FAM81A: variants seen among roughly 807,000 people sequenced by gnomAD.
The protein encoded by FAM81A is protein FAM81A.
FAM81A carries 19 observed loss-of-function variants against 46.7 expected under a neutral mutation model. The ratio of observed to expected loss-of-function variants is 0.41; its 90% CI spans 0.28 to 0.60. The LOEUF (loss-of-function observed/expected upper bound fraction) is 0.60. Ranked by LOEUF, FAM81A falls within the 20% of genes least tolerant of loss-of-function variation. FAM81A has a pLI of 0.34. For synonymous variants in FAM81A, 183 were observed against 152.9 expected (o/e 1.20, Z -1.45); for missense variants, 377 against 453.5 (o/e 0.83, Z 1.53).
At chr15:59,416,091 C>G (rs1288154800) in intron 2 of FAM81A, among the ~76,000 whole-genome samples, 2 of 152,148 alleles carry the variant, frequency 1.3e-5, no homozygotes, top group Non-Finnish European at 2.9e-5. Flanking sequence ...TAATGAATCC[C>G]CATATCTCCT....
chr15:59,412,454 A>G (rs555105365), intron 2 of FAM81A, among the ~76,000 whole-genome samples: 4 of 152,270 alleles, frequency 2.6e-5, no homozygotes, highest in Non-Finnish European at 5.9e-5. Context: ...AGCCGGGCAC[A>G]GTGGCTCATG....
At chr15:59,518,517 G>C (rs2082291193) in intron 8 of FAM81A, among the ~76,000 whole-genome samples, 1 of 151,896 alleles carries the variant, frequency 6.6e-6, no homozygotes, top group African/African-American at 2.4e-5. Context: ...TTAGAGATGG[G>C]TCCTCAGTAT....
intron 3 of FAM81A, among the ~76,000 whole-genome samples, chr15:59,482,043 C>T (rs1201259914): frequency 6.6e-6 from 1 of 152,090 alleles, no homozygotes; most frequent in Non-Finnish European, 1.5e-5. Flanking sequence ...CACACATGCG[C>T]AGCCTCTCCC....
intron 4 of FAM81A, among the ~76,000 whole-genome samples, chr15:59,504,344 T>G (rs1461843627): frequency 6.6e-6 from 1 of 152,172 alleles, no homozygotes; most frequent in African/African-American, 2.4e-5. Context: ...AGTAAATATT[T>G]CCTTATATTC....
intron 1 of FAM81A, among the ~76,000 whole-genome samples, chr15:59,448,346 C>A (rs1375887263): frequency 6.6e-6 from 1 of 152,030 alleles, no homozygotes; most frequent in East Asian, 1.9e-4. Flanking sequence ...CACAGCACTC[C>A]AGCCTGGGCC....
intron 2 of FAM81A, among the ~76,000 whole-genome samples, chr15:59,459,263 G>T (rs2081520955): frequency 6.6e-6 from 1 of 152,186 alleles, no homozygotes; most frequent in African/African-American, 2.4e-5. Flanking sequence ...GCCACCCAAA[G>T]TGTTGGGATT....
intron 6 of FAM81A, among the ~76,000 whole-genome samples, chr15:59,512,199 C>G (rs1461137451): frequency 6.6e-6 from 1 of 151,968 alleles, no homozygotes; most frequent in Non-Finnish European, 1.5e-5. Context: ...GCAATGCTGG[C>G]CAGGCGAGGG....
At chr15:59,497,068 G>A (rs753371592) in intron 4 of FAM81A, among the ~76,000 whole-genome samples, 1 of 151,172 alleles carries the variant, frequency 6.6e-6, no homozygotes, top group Non-Finnish European at 1.5e-5. Flanking sequence ...GCAGTGAGCC[G>A]GGATTGTGCC....
chr15:59,435,879 T>A (rs2081240924), upstream of FAM81A, among the ~76,000 whole-genome samples: 1 of 152,152 alleles, frequency 6.6e-6, no homozygotes, highest in Non-Finnish European at 1.5e-5. Context: ...AAAATGGATA[T>A]TTCGTTGCAA....
At position 59,516,819 on chromosome 15, in the gene FAM81A, A is replaced by G; in HGVS notation, c.961A>G (p.Met321Val). Residue 321 changes from methionine to valine, a missense_variant, in exon 8 of 9, where the codon ATG becomes GTG. Physicochemically the swap from Met to Val is conservative, Grantham distance 21. Coordinates refer to ENST00000288228, the MANE Select transcript of FAM81A (RefSeq NM_152450.3). ...ELQMNQNIKE[M>V]KAEVNAGFTA... ...ACAGATGAACCAGAACATCAAGGAA[A>G]TGAAAGCAGAAGTTAATGCTGGTAG... The G allele has an allele frequency of 6.2e-7, 1 of 1,604,820 alleles. No individual in the cohort carries two copies. The highest frequency in any genetic ancestry group is 8.5e-7 in the Non-Finnish European group (1 of 1,177,134).
At chr15:59,504,955 G>T (rs7164367) in intron 4 of FAM81A, among the ~76,000 whole-genome samples, 45,475 of 151,902 alleles carry the variant, frequency 0.3, 10,789 homozygotes, top group African/African-American at 0.66. Context: ...CCAGTTTGTA[G>T]TCATTGAACA....
intron 3 of FAM81A, among the ~76,000 whole-genome samples, chr15:59,478,692 G>A (rs755305242): frequency 3.3e-5 from 5 of 152,190 alleles, no homozygotes; most frequent in Non-Finnish European, 7.4e-5. Flanking sequence ...CGTGTTGTAT[G>A]CCTTGACTTC....
chr15:59,516,594 T>C, intron 7 of FAM81A, 51 bp from the exon 8 acceptor site: 1 of 1,557,558 alleles, frequency 6.4e-7, no homozygotes, highest in Non-Finnish European at 8.7e-7. Flanking sequence ...GTGAATGCAA[T>C]GCAGATTTCT....
intron 2 of FAM81A, among the ~76,000 whole-genome samples, chr15:59,428,328 C>G (rs543682327): frequency 5.9e-5 from 9 of 152,190 alleles, no homozygotes; most frequent in African/African-American, 1.9e-4. Context: ...GAGTCCTCTA[C>G]TTAATCCAAT....
chr15:59,412,272 C>T (rs776597825), intron 2 of FAM81A, among the ~76,000 whole-genome samples: 33 of 152,114 alleles, frequency 2.2e-4, no homozygotes, highest in African/African-American at 6.0e-4. Flanking sequence ...TATGATGGCA[C>T]GGGAGGTTCA....
chr15:59,430,254 CTTTTTTTTTTT>C (rs5812977), intron 2 of FAM81A, among the ~76,000 whole-genome samples: 74 of 87,472 alleles, frequency 8.5e-4, no homozygotes, highest in Middle Eastern at 6.6e-3. Flanking sequence ...ACCTATTTCC[CTTTTTTTTTTT>C]TTTTTTTTTT....
chr15:59,490,396 GA>G (rs113943025), intron 3 of FAM81A, among the ~76,000 whole-genome samples: 1 of 151,976 alleles, frequency 6.6e-6, no homozygotes, highest in African/African-American at 2.4e-5. Flanking sequence ...AACTCTATAA[GA>G]AAAAAATCTA....
At position 59,484,565 on chromosome 15, in the gene FAM81A, G is replaced by A. The variant is rs543714668; in HGVS notation, c.295-7706G>A. ...AATCTGTGTGCTTTGAGGAGGGAGA[G>A]TGCAGTGTTTATGGGACATTGTTTT... On this transcript the variant is annotated intron_variant, in intron 3 of 8. Coordinates refer to ENST00000288228, the MANE Select transcript of FAM81A (RefSeq NM_152450.3). Among the ~76,000 whole-genome samples the A allele has an allele frequency of 2.0e-5, 3 of 152,278 alleles. No individual in the cohort carries two copies. In the South Asian group the frequency reaches 6.2e-4, roughly 32 times the overall value.
intron 1 of FAM81A, among the ~76,000 whole-genome samples, chr15:59,443,474 T>A (rs899851295): frequency 6.6e-6 from 1 of 152,226 alleles, no homozygotes; most frequent in Non-Finnish European, 1.5e-5. Context: ...TTTCCTCTAA[T>A]CTGGGACCGT....
Sources: allele counts gnomAD v4.1 joint callset (sites outside exome capture counted in the v4.1 genomes callset), GRCh38; gene constraint gnomAD v4.1.1; transcripts MANE v1.5; gene names NCBI Gene and HGNC (gene_info 2026-07-23, HGNC 2026-07-21).